CFAP47: variants seen among roughly 807,000 people sequenced by gnomAD.
CFAP47 encodes cilia and flagella associated protein 47, also known as cilia- and flagella-associated protein 47.
A neutral mutation model predicts 148.1 loss-of-function variants in CFAP47; 29 were observed. The ratio of observed to expected loss-of-function variants is 0.20; its 90% confidence interval spans 0.15 to 0.27. CFAP47 has a LOEUF of 0.27. Ranked by LOEUF, CFAP47 falls within the 10% of genes least tolerant of loss-of-function variation. The probability of loss-of-function intolerance (pLI) is 1.00; values close to 1 mark genes in which losing one functional copy is unlikely to be tolerated. For missense variants in CFAP47, 1,872 were observed against 1,697.5 expected (o/e 1.10, Z -1.81); for synonymous variants, 664 against 577.3 (o/e 1.15, Z -2.15).
intron 36 of CFAP47, among the ~76,000 whole-genome samples, chrX:36,145,615 T>A (rs1939222235): frequency 8.9e-6 from 1 of 112,032 alleles, no homozygotes; most frequent in African/African-American, 3.2e-5. Context: ...TAAAATAATA[T>A]TATTCTGTAT....
chrX:36,027,371 A>G (rs948287073), intron 22 of CFAP47, among the ~76,000 whole-genome samples: 16 of 108,804 alleles, frequency 1.5e-4, no homozygotes, highest in African/African-American at 3.3e-4. Context: ...TCCAATGTCT[A>G]TTACTCCATG....
chrX:36,310,568 A>C, intron 55 of CFAP47, among the ~76,000 whole-genome samples: 1 of 110,377 alleles, frequency 9.1e-6, no homozygotes, highest in South Asian at 3.7e-4. Flanking sequence ...TTATGTTGCT[A>C]TAATAACTTT....
intron 40 of CFAP47, among the ~76,000 whole-genome samples, chrX:36,182,199 T>C (rs1040914252): frequency 1.8e-5 from 2 of 112,050 alleles, no homozygotes; most frequent in Admixed American, 1.9e-4. Context: ...CTTTTTCTTT[T>C]AGGGAAGTTT....
chrX:35,962,926 GGTGT>G (rs59734260), intron 8 of CFAP47, among the ~76,000 whole-genome samples: 9,862 of 90,542 alleles, frequency 0.11, 589 homozygotes, highest in African/African-American at 0.2. Flanking sequence ...AATAAAATGT[GGTGT>G]GTGTGTGTGT....
chrX:36,371,802 A>ATGTGTG (rs1467486947), intron 62 of CFAP47, among the ~76,000 whole-genome samples: 1 of 55,900 alleles, frequency 1.8e-5, no homozygotes, highest in African/African-American at 1.8e-4. Context: ...GTATATACAC[A>ATGTGTG]CATGTATATA....
intron 62 of CFAP47, among the ~76,000 whole-genome samples, chrX:36,375,474 C>A (rs1043422480): frequency 1.9e-4 from 21 of 111,669 alleles, no homozygotes; most frequent in African/African-American, 6.5e-4. Flanking sequence ...TATTATGTGG[C>A]CCTTGAGAAG....
At chrX:36,127,693 G>A (rs780806797) in intron 33 of CFAP47, among the ~76,000 whole-genome samples, 18 of 111,096 alleles carry the variant, frequency 1.6e-4, no homozygotes, top group African/African-American at 4.6e-4. Flanking sequence ...CAGTATGGCC[G>A]TTTTCATGAT....
intron 45 of CFAP47, among the ~76,000 whole-genome samples, chrX:36,206,342 C>A (rs1440478285): frequency 3.6e-5 from 4 of 111,403 alleles, no homozygotes; most frequent in African/African-American, 1.3e-4. Context: ...TTTGAGATAA[C>A]TGGATAAAGC....
intron 57 of CFAP47, among the ~76,000 whole-genome samples, chrX:36,321,321 T>C (rs7059225): frequency 0.05 from 5,583 of 110,703 alleles, 386 homozygotes; most frequent in African/African-American, 0.17. Flanking sequence ...AATAAAACAA[T>C]TGAACTCATG....
chrX:35,964,843 A>G (rs990678545), intron 8 of CFAP47, among the ~76,000 whole-genome samples: 2 of 111,537 alleles, frequency 1.8e-5, no homozygotes, highest in Non-Finnish European at 3.8e-5. Context: ...GAAATTGTGT[A>G]TTTTGTGAGA....
At chrX:36,072,010 C>T (rs2146761272) in intron 28 of CFAP47, 39 bp downstream of exon 28, 1 of 1,047,230 alleles carries the variant, frequency 9.5e-7, no homozygotes, top group East Asian at 3.2e-5. Flanking sequence ...CAAAATTAGT[C>T]CATGACATGA....
chrX:36,030,027 T>A (rs777872371), intron 22 of CFAP47, among the ~76,000 whole-genome samples: 7 of 110,954 alleles, frequency 6.3e-5, no homozygotes, highest in Non-Finnish European at 1.3e-4. Flanking sequence ...ATTTCTTCCT[T>A]TATGTCTCTC....
chrX:35,997,992 C>T (rs1462817918), intron 19 of CFAP47, among the ~76,000 whole-genome samples: 3 of 110,760 alleles, frequency 2.7e-5, no homozygotes, highest in African/African-American at 6.6e-5. Flanking sequence ...CATTTATATG[C>T]TTATCTTCTG....
intron 35 of CFAP47, among the ~76,000 whole-genome samples, chrX:36,143,789 T>A (rs1939184179): frequency 8.9e-6 from 1 of 112,058 alleles, no homozygotes; most frequent in African/African-American, 3.3e-5. Context: ...TAATGTATTT[T>A]GTTTATCAGA....
intron 33 of CFAP47, among the ~76,000 whole-genome samples, chrX:36,124,429 T>C (rs1273873173): frequency 1.8e-5 from 2 of 111,677 alleles, no homozygotes; most frequent in Non-Finnish European, 3.8e-5. Context: ...GTGAGCCTTG[T>C]GCAAGCTCAA....
intron 62 of CFAP47, among the ~76,000 whole-genome samples, chrX:36,373,511 C>T (rs1602135415): frequency 1.8e-5 from 2 of 110,877 alleles, no homozygotes; most frequent in Admixed American, 9.7e-5. Flanking sequence ...AACACACCCT[C>T]TGCAGATAGG....
Position 35,951,282 on chromosome X carries a change from G to A in CFAP47, c.808G>A (p.Ala270Thr), listed in dbSNP as rs1323139606. Residue 270 changes from alanine to threonine, a missense_variant, in exon 5 of 64, where the codon GCA becomes ACA. Transcript: ENST00000378653. ...VFFGSSKIKH[A>T]RVYNNSPEPI... ...CTTCGGATCATCAAAAATTAAACATGCACGTGTATACAATAATAGCCCAGA... is the reference window on the plus strand; with the variant it reads ...CTTCGGATCATCAAAAATTAAACATACACGTGTATACAATAATAGCCCAGA... 1 of 1,208,281 alleles carries A rather than the reference G, an allele frequency of 8.3e-7. No homozygotes were observed. Among genetic ancestry groups the A allele is most frequent in the African/African-American group, 1.8e-5 (1 of 56,854 alleles).
At chrX:36,220,439 T>C (rs1940202718) in intron 45 of CFAP47, among the ~76,000 whole-genome samples, 1 of 110,581 alleles carries the variant, frequency 9.0e-6, no homozygotes, top group Non-Finnish European at 1.9e-5. Flanking sequence ...ATGTTATATA[T>C]ATATTTTTAA....
chrX:36,160,330 A>G (rs185922681), intron 38 of CFAP47, among the ~76,000 whole-genome samples: 2 of 111,996 alleles, frequency 1.8e-5, no homozygotes, highest in East Asian at 5.6e-4. Context: ...CTGAAACAAG[A>G]CATTGTTTTG....
Sources: gnomAD v4.1 joint callset for allele counts (sites outside exome capture counted in the v4.1 genomes callset) on GRCh38, gnomAD v4.1.1 for gene constraint, MANE v1.5 for transcripts, NCBI Gene and HGNC (gene_info 2026-07-23, HGNC 2026-07-21) for gene names.